Variants in TRPM5 observed in about 807,000 individuals in gnomAD.
TRPM5 encodes the protein transient receptor potential cation channel subfamily M member 5, also known as MLSN1 and TRP-related.
In TRPM5, 121 loss-of-function variants were observed where a neutral mutation model predicts 124.9. The observed-to-expected ratio is 0.97, with a 90% CI of 0.84 to 1.13. TRPM5 has a LOEUF of 1.13. TRPM5 is among the 50% of genes most tolerant of loss of function. The probability of loss-of-function intolerance (pLI) is 0.00; values close to 1 mark genes in which losing one functional copy is unlikely to be tolerated. For missense variants in TRPM5, 1,643 were observed against 1,589.1 expected (o/e 1.03, Z -0.58); for synonymous variants, 781 against 700.5 (o/e 1.11, Z -1.81).
At chr11:2,406,061 A>C (rs800342) in exon 22 of TRPM5, 1,356,463 of 1,612,032 alleles carry the variant, frequency 0.84, 575,256 homozygotes, top group African/African-American at 0.9. Flanking sequence ...GCTCTCTCAG[A>C]CCCCCGAGGT....
chr11:2,415,468 A>G, exon 9 of TRPM5: 2 of 1,560,076 alleles, frequency 1.3e-6, no homozygotes, highest in Non-Finnish European at 8.6e-7. Context: ...TCCAGGTCAC[A>G]GGACTTGGCG....
chr11:2,420,987 C>A, intron 3 of TRPM5, 45 bp downstream of exon 8: 2 of 1,500,258 alleles, frequency 1.3e-6, no homozygotes, highest in South Asian at 1.3e-5. Context: ...TGAGCCCCTG[C>A]CTCCAGGCCC....
chr11:2,404,877 C>G, exon 24 of TRPM5: 1 of 1,462,122 alleles, frequency 6.8e-7, no homozygotes, highest in Non-Finnish European at 9.5e-7. Flanking sequence ...AAGGTCAGTG[C>G]ACAACGTGCA....
chr11:2,435,276 C>T, the TRPM5 span, among the ~76,000 whole-genome samples: 10 of 152,206 alleles, frequency 6.6e-5, no homozygotes, highest in East Asian at 1.5e-3. This position sits in a 1 kb window ranked among gnomAD's most constrained non-coding sequence, Gnocchi z 4.1. Flanking sequence ...TTTAAATGGG[C>T]GGGTCGAGGA....
the TRPM5 span, among the ~76,000 whole-genome samples, chr11:2,430,264 G>A: frequency 6.7e-6 from 1 of 149,058 alleles, no homozygotes; most frequent in Admixed American, 6.6e-5. Flanking sequence ...AGAACCTGGA[G>A]TGGGTGCTGG....
chr11:2,413,218 G>A (rs1322737557), exon 14 of TRPM5: 1 of 1,548,174 alleles, frequency 6.5e-7, no homozygotes, highest in Non-Finnish European at 8.7e-7. Context: ...CCTCAGGGGA[G>A]CTTCCTCACT....
chr11:2,430,303 TGAA>T, the TRPM5 span, among the ~76,000 whole-genome samples: 2 of 152,234 alleles, frequency 1.3e-5, no homozygotes, highest in Non-Finnish European at 1.5e-5. Context: ...TGCTGCCCTG[TGAA>T]GAAGGTGACT....
At chr11:2,421,472 C>T (rs1425958589) in intron 2 of TRPM5, among the ~76,000 whole-genome samples, 1 of 152,212 alleles carries the variant, frequency 6.6e-6, no homozygotes, top group African/African-American at 2.4e-5. Flanking sequence ...CCAGTCCCCC[C>T]ACCGTGCTCC....
At chr11:2,433,912 A>G in the TRPM5 span, among the ~76,000 whole-genome samples, 2 of 151,468 alleles carry the variant, frequency 1.3e-5, no homozygotes, top group African/African-American at 4.9e-5. Context: ...GTGTATGTAG[A>G]CATTGTGTGT....
In TRPM5 at chr11:2,413,211, CAG is replaced by C. The variant is rs745823223; in HGVS notation, c.2017_2018del (p.Leu673GlufsTer39). On this transcript the variant is annotated frameshift_variant, in exon 14 of 24. Transcript: ENST00000155858. LOFTEE classifies it high-confidence loss of function. ...CCTGCAGGTCCTCCAGGCCTGTCCT[CAG>C]GGGAGCTTCCTCACTGCGAGCACAG... 1 of 1,549,174 alleles carries C rather than the reference CAG, an allele frequency of 6.5e-7. No individual in the cohort carries two copies. The highest frequency in any genetic ancestry group is 8.7e-7 in the Non-Finnish European group (1 of 1,146,998).
At chr11:2,430,910 G>C in the TRPM5 span, among the ~76,000 whole-genome samples, 1 of 151,892 alleles carries the variant, frequency 6.6e-6, no homozygotes, top group Non-Finnish European at 1.5e-5. Context: ...TGGTGGTGGT[G>C]GTTTTGGTGG....
At chr11:2,443,188 T>C in the TRPM5 span, among the ~76,000 whole-genome samples, 1 of 152,248 alleles carries the variant, frequency 6.6e-6, no homozygotes, top group Non-Finnish European at 1.5e-5. This position sits in a 1 kb window ranked among gnomAD's most constrained non-coding sequence, Gnocchi z 5.0. Flanking sequence ...GAGCCTCTGA[T>C]TCATTTGAGA....
intron 12 of TRPM5, among the ~76,000 whole-genome samples, 153 bp downstream of exon 17, chr11:2,413,908 G>T (rs182378097): frequency 6.6e-6 from 1 of 152,160 alleles, no homozygotes; most frequent in Admixed American, 6.5e-5. Context: ...CCAGGTGGGC[G>T]CCTTCCAGGA....
intron 20 of TRPM5, 109 bp downstream of exon 25, chr11:2,406,994 AGCTGAGGACCCACAGG>A: frequency 7.5e-7 from 1 of 1,336,828 alleles, no homozygotes; most frequent in Non-Finnish European, 9.9e-7. Context: ...CACAGAGCCC[AGCTGAGGACCCACAGG>A]GCTGAGGAGG....
upstream of TRPM5, among the ~76,000 whole-genome samples, chr11:2,425,807 C>T (rs58272422): frequency 0.054 from 8,218 of 152,238 alleles, 344 homozygotes; most frequent in East Asian, 0.22. Flanking sequence ...TGGCCATGAC[C>T]CTCAGCCTGG....
At chr11:2,416,730 C>A (rs1322035032) in intron 7 of TRPM5, among the ~76,000 whole-genome samples, 1 of 152,244 alleles carries the variant, frequency 6.6e-6, no homozygotes, top group African/African-American at 2.4e-5. Flanking sequence ...GTCCCCAGCC[C>A]CTGCTTAGCA....
chr11:2,407,417 G>T (rs1565006392), intron 19 of TRPM5, 117 bp from the exon 25 acceptor site: 2 of 1,020,882 alleles, frequency 2.0e-6, no homozygotes, highest in Non-Finnish European at 2.9e-6. Context: ...GCCCAGCACT[G>T]CTTCTGCGTT....
At chr11:2,428,957 T>G in the TRPM5 span, among the ~76,000 whole-genome samples, 1 of 149,808 alleles carries the variant, frequency 6.7e-6, no homozygotes, top group Non-Finnish European at 1.5e-5. The surrounding 1 kb of genome is among the most constrained non-coding windows in gnomAD (Gnocchi z 4.0). Flanking sequence ...CATGGGATGA[T>G]GATAGTAGTC....
At chr11:2,410,393 G>A (rs568508382) in intron 18 of TRPM5, among the ~76,000 whole-genome samples, 9 of 151,358 alleles carry the variant, frequency 5.9e-5, no homozygotes, top group Admixed American at 2.0e-4. Context: ...TGACTGCCCC[G>A]TGCCGGGCAG....
Sources: allele counts gnomAD v4.1 joint callset (sites outside exome capture counted in the v4.1 genomes callset), GRCh38; gene constraint gnomAD v4.1.1; non-coding constraint Gnocchi (gnomAD v3.1); transcripts MANE v1.5; gene names NCBI Gene and HGNC (gene_info 2026-07-23, HGNC 2026-07-21).